The following NIPAL3 variants were observed in gnomAD, a reference collection of about 807,000 sequenced individuals.
The protein encoded by NIPAL3 is NIPA like domain containing 3, also known as NIPA-like protein 3.
In NIPAL3, 41 loss-of-function variants were observed where a neutral mutation model predicts 47.2. The ratio of observed to expected loss-of-function variants is 0.87; its 90% CI spans 0.68 to 1.13. The LOEUF is 1.13. NIPAL3 is among the 50% of genes most tolerant of loss of function. NIPAL3 has a pLI of 0.00. For synonymous variants in NIPAL3, 194 were observed against 209.6 expected (o/e 0.93, Z 0.64); for missense variants, 449 against 530.1 (o/e 0.85, Z 1.50).
Position 24,458,934 on chromosome 1 carries a change from A to G in NIPAL3, c.820A>G (p.Ser274Gly). The change falls in exon 9 of 12, where the codon AGT (serine) becomes GGT (glycine). Residue 274 changes from serine (S) to glycine (G), a missense_variant. Coordinates refer to ENST00000374399, the MANE Select transcript of NIPAL3 (RefSeq NM_020448.5). ...GATGTACGACTCCTCTTTGATTGCC[A>G]GTGTGGGCTACATTCTGTCCACAAC... Reference protein sequence around the residue: ...SQMYDSSLIASVGYILSTTIA... With the variant: ...SQMYDSSLIAGVGYILSTTIA... 2 of 1,614,090 alleles carry G rather than the reference A, an allele frequency of 1.2e-6. No individual in the cohort carries two copies. Among genetic ancestry groups the G allele is most frequent in the Non-Finnish European group, 1.7e-6 (2 of 1,179,956 alleles).
At position 24,449,702 on chromosome 1, in the gene NIPAL3, C is replaced by G; in HGVS notation, c.540+76C>G. ...GTCCTAGAAACCAGAAACGTGAATA[C>G]CCAGCAATAGGGGATTCCGTGAGTT... On this transcript the variant is annotated intron_variant, in intron 6 of 11. Coordinates refer to ENST00000374399, the MANE Select transcript of NIPAL3 (RefSeq NM_020448.5). This position sits in a 1 kb window ranked among gnomAD's most constrained non-coding sequence, Gnocchi z 4.5. The G allele has an allele frequency of 1.3e-6, 2 of 1,487,110 alleles. No individual in the cohort carries two copies. Among genetic ancestry groups the G allele is most frequent in the Non-Finnish European group, 1.8e-6 (2 of 1,098,944 alleles). 92.1% of individuals were successfully genotyped at this position (1,487,110 alleles called of 1,614,324 possible). A position where few individuals can be genotyped will look rare whatever the true frequency, so the allele number is the denominator to read the frequency against.
At chr1:24,460,125 A>G (rs1223223608) in intron 9 of NIPAL3, among the ~76,000 whole-genome samples, 1 of 152,198 alleles carries the variant, frequency 6.6e-6, no homozygotes, top group African/African-American at 2.4e-5. Context: ...TGGTTTGGTT[A>G]GTAAGTGTTC....
chr1:24,433,633 C>T (rs10794661), intron 2 of NIPAL3, among the ~76,000 whole-genome samples: 65,093 of 152,054 alleles, frequency 0.43, 15,251 homozygotes, highest in African/African-American at 0.64. Context: ...GATTAAGTCA[C>T]TTATTCAGGA....
In NIPAL3 at chr1:24,456,335, C is replaced by T; in HGVS notation, c.773+62C>T. 4 of 1,607,074 alleles carry T rather than the reference C, an allele frequency of 2.5e-6. No homozygotes were observed. The Admixed American group carries it at 5.0e-5, about 20-fold the overall frequency. Reference sequence around the variant, plus strand: ...TTCGGGCTGCTTCTCTTTTGGGGGCCTGATGACGTATGCTGTGAAGCCACA... The same window carrying T: ...TTCGGGCTGCTTCTCTTTTGGGGGCTTGATGACGTATGCTGTGAAGCCACA... On this transcript the variant is annotated intron_variant, in intron 8 of 11. Coordinates refer to ENST00000374399, the MANE Select transcript of NIPAL3 (RefSeq NM_020448.5).
At chr1:24,438,302 C>G (rs1000143615) in intron 2 of NIPAL3, among the ~76,000 whole-genome samples, 1 of 152,194 alleles carries the variant, frequency 6.6e-6, no homozygotes, top group Admixed American at 6.5e-5. Flanking sequence ...AGGTGGGGGA[C>G]ACATCTCAGG....
chr1:24,423,367 G>T (rs996062124), intron 2 of NIPAL3, among the ~76,000 whole-genome samples: 1 of 152,210 alleles, frequency 6.6e-6, no homozygotes, highest in Non-Finnish European at 1.5e-5. Context: ...CCTAAAAGAA[G>T]GAGGCACTCA....
chr1:24,421,382 C>T (rs1644324515), intron 2 of NIPAL3, among the ~76,000 whole-genome samples: 1 of 152,018 alleles, frequency 6.6e-6, no homozygotes, highest in Non-Finnish European at 1.5e-5. Flanking sequence ...AGATCAGTGA[C>T]TGCTAATACC....
intron 8 of NIPAL3, 62 bp from the exon 9 acceptor site, chr1:24,458,826 G>C (rs1646340345): frequency 7.7e-7 from 1 of 1,295,008 alleles, no homozygotes; most frequent in African/African-American, 1.4e-5. Flanking sequence ...CTCTACTGTT[G>C]TCAGCTCTTA....
chr1:24,421,495 T>C (rs1644330356), intron 2 of NIPAL3, among the ~76,000 whole-genome samples: 2 of 152,212 alleles, frequency 1.3e-5, no homozygotes, highest in South Asian at 2.1e-4. Flanking sequence ...TAAGATCCTA[T>C]AGCAAGTTGA....
At chr1:24,428,203 G>T (rs1222882542) in intron 2 of NIPAL3, among the ~76,000 whole-genome samples, 1 of 149,772 alleles carries the variant, frequency 6.7e-6, no homozygotes, top group Non-Finnish European at 1.5e-5. Context: ...TCACGTCACT[G>T]CATTCCAGCC....
At chr1:24,424,186 A>G (rs1028532388) in intron 2 of NIPAL3, among the ~76,000 whole-genome samples, 1 of 152,184 alleles carries the variant, frequency 6.6e-6, no homozygotes, top group Non-Finnish European at 1.5e-5. Context: ...CATGGTTGTG[A>G]TGATGATTGA....
intron 2 of NIPAL3, among the ~76,000 whole-genome samples, chr1:24,420,440 G>T (rs1297814484): frequency 6.6e-6 from 1 of 152,056 alleles, no homozygotes; most frequent in African/African-American, 2.4e-5. Flanking sequence ...AGTAGTTTGA[G>T]GGTGCTGTGA....
chr1:24,446,864 G>A (rs1049436533), intron 5 of NIPAL3, among the ~76,000 whole-genome samples: 4 of 152,132 alleles, frequency 2.6e-5, no homozygotes, highest in African/African-American at 2.4e-5. Context: ...TTCCACAATC[G>A]TTGAACTAAT....
intron 5 of NIPAL3, among the ~76,000 whole-genome samples, chr1:24,446,609 T>A (rs1220326587): frequency 6.6e-6 from 1 of 151,766 alleles, no homozygotes; most frequent in African/African-American, 2.4e-5. Flanking sequence ...TATGATATCA[T>A]TTTTTTTGGC....
intron 8 of NIPAL3, among the ~76,000 whole-genome samples, chr1:24,457,029 T>C (rs944374744): frequency 6.6e-6 from 1 of 152,146 alleles, no homozygotes; most frequent in African/African-American, 2.4e-5. Context: ...TCCAAAGTAC[T>C]GGGATTACAG....
chr1:24,451,717 GA>G lies in NIPAL3; in HGVS notation c.541-1681del, dbSNP rs570147141. On this transcript the variant is annotated intron_variant, in intron 6 of 11. Coordinates refer to ENST00000374399, the MANE Select transcript of NIPAL3 (RefSeq NM_020448.5). The surrounding 1 kb of genome is among the most constrained non-coding windows in gnomAD (Gnocchi z 4.5). ...AGACCCTGTCTCAAAAAAAGAAAAA[GA>G]AAAAAAAAATCATGGAGAATGGCTG... 6.1e-5 allele frequency among the ~76,000 whole-genome samples: 9 copies of G among 148,586 alleles called. No homozygotes were observed. The East Asian group carries it at 9.8e-4, about 16-fold the overall frequency.
Position 24,419,452 on chromosome 1 carries a change from G to A in NIPAL3, c.-96G>A. 7.2e-7 allele frequency: 1 copy of A among 1,396,806 alleles called. No individual in the cohort carries two copies. Among genetic ancestry groups the A allele is most frequent in the Non-Finnish European group, 9.3e-7 (1 of 1,070,958 alleles). The allele number at this position is 1,396,806 out of a possible 1,614,324, so 86.5% of individuals were successfully genotyped here. ...GAAGTGACGGCTGCTGGAGGGAGGT[G>A]AACACCACAAGGAGAGATGGCATCT... On this transcript the variant is annotated 5_prime_UTR_variant, in exon 2 of 12. Transcript: ENST00000374399.
At chr1:24,443,649 C>T (rs16829675) in intron 4 of NIPAL3, among the ~76,000 whole-genome samples, 26,667 of 152,194 alleles carry the variant, frequency 0.18, 2,776 homozygotes, top group East Asian at 0.27. Context: ...TTATAAGTCC[C>T]GGTTTTTCCT....
At chr1:24,436,620 C>T (rs2148794268) in intron 2 of NIPAL3, among the ~76,000 whole-genome samples, 1 of 151,800 alleles carries the variant, frequency 6.6e-6, no homozygotes, top group South Asian at 2.1e-4. Context: ...TCCTGAGTAG[C>T]TGGGATTATA....
Sources: allele counts gnomAD v4.1 joint callset (sites outside exome capture counted in the v4.1 genomes callset), GRCh38; gene constraint gnomAD v4.1.1; non-coding constraint Gnocchi (gnomAD v3.1); transcripts MANE v1.5; gene names NCBI Gene and HGNC (gene_info 2026-07-23, HGNC 2026-07-21).